OSBPL6: variants seen among roughly 807,000 people sequenced by gnomAD.
OSBPL6 encodes the protein oxysterol-binding protein-related protein 6.
OSBPL6 carries 49 observed loss-of-function variants against 125.8 expected under a neutral mutation model. That is an observed-to-expected ratio of 0.39 (90% CI 0.31 to 0.49). The LOEUF (loss-of-function observed/expected upper bound fraction) is 0.49. OSBPL6 is among the 20% of genes least tolerant of loss of function. OSBPL6 has a pLI of 0.88. For missense variants in OSBPL6, 986 were observed against 1,135.4 expected, an observed-to-expected ratio of 0.87 and a Z score of 1.89; for synonymous variants, 394 against 391.8, an observed-to-expected ratio of 1.01 and a Z score of -0.07.
chr2:178,257,331 C>G (rs554400162), intron 1 of OSBPL6, among the ~76,000 whole-genome samples: 2 of 152,258 alleles, frequency 1.3e-5, no homozygotes, highest in African/African-American at 4.8e-5. Context: ...TACAAACTTT[C>G]TAAAGGCTTA....
At chr2:178,242,130 A>T (rs2091317299) in intron 1 of OSBPL6, among the ~76,000 whole-genome samples, 1 of 152,224 alleles carries the variant, frequency 6.6e-6, no homozygotes, top group South Asian at 2.1e-4. Flanking sequence ...TATGTTGTGA[A>T]AGTGTGATTG....
At chr2:178,230,473 A>T (rs1457081579) in intron 1 of OSBPL6, 1 of 152,232 alleles carries the variant, frequency 6.6e-6, no homozygotes, top group East Asian at 1.9e-4. Flanking sequence ...AGTGGAAGAC[A>T]TGAAGTATGG....
At chr2:178,322,336 C>G (rs1195815292) in intron 3 of OSBPL6, among the ~76,000 whole-genome samples, 3 of 152,100 alleles carry the variant, frequency 2.0e-5, no homozygotes, top group African/African-American at 7.2e-5. Context: ...AAGAGAAGCT[C>G]AGATCAGAGA....
At chr2:178,282,071 C>A (rs1684248847) in intron 1 of OSBPL6, among the ~76,000 whole-genome samples, 1 of 152,174 alleles carries the variant, frequency 6.6e-6, no homozygotes, top group Non-Finnish European at 1.5e-5. Flanking sequence ...GACAGCCTGA[C>A]ACAAATAGAA....
At position 178,402,487 on chromosome 2, in the gene OSBPL6, T is replaced by G. The variant is rs1696126591; in HGVS notation, c.*6928T>G. On this transcript the variant is annotated 3_prime_UTR_variant, in exon 25 of 25. Coordinates refer to ENST00000190611, the MANE Select transcript of OSBPL6 (RefSeq NM_032523.4). ...AGGGAAATCCTGTGGCAAAGCACAC[T>G]CTTGATCACCTACTTAACAAGAAGG... 1 of 152,136 alleles carries G rather than the reference T, an allele frequency of 6.6e-6. No homozygotes were observed. Among genetic ancestry groups the G allele is most frequent in the African/African-American group, 2.4e-5 (1 of 41,428 alleles). 9.4% of individuals were successfully genotyped at this position (152,136 alleles called of 1,614,324 possible). A position where few individuals can be genotyped will look rare whatever the true frequency, so the allele number is the denominator to read the frequency against.
chr2:178,358,197 G>A (rs542909454), intron 12 of OSBPL6, among the ~76,000 whole-genome samples: 24 of 152,190 alleles, frequency 1.6e-4, no homozygotes, highest in East Asian at 7.7e-4. Context: ...AAACCTGCAC[G>A]TTGTGCACAT....
At chr2:178,382,531 G>T (rs1694573499) in intron 16 of OSBPL6, 24 bp downstream of exon 16, 1 of 1,613,824 alleles carries the variant, frequency 6.2e-7, no homozygotes, top group Non-Finnish European at 8.5e-7. Context: ...GAGCTTCCAG[G>T]TTGTTCTATC....
chr2:178,246,053 A>G lies in OSBPL6; in HGVS notation c.-350-38874A>G, dbSNP rs188273588. ...CTGGTCCCTGGCCCTTTCCTCTCTCACTCCATCAGTTACATCCTCTTGTCA... is the reference window on the plus strand; with the variant it reads ...CTGGTCCCTGGCCCTTTCCTCTCTCGCTCCATCAGTTACATCCTCTTGTCA... On this transcript the variant is annotated intron_variant, in intron 1 of 24. Transcript: ENST00000190611. Among the ~76,000 whole-genome samples, 623 of 150,704 alleles carry G rather than the reference A, an allele frequency of 4.1e-3. 3 individuals carry two copies. The highest frequency in any genetic ancestry group is 7.4e-3 in the Non-Finnish European group (502 of 67,622).
At chr2:178,263,720 T>A (rs1157471269) in intron 1 of OSBPL6, among the ~76,000 whole-genome samples, 1 of 151,954 alleles carries the variant, frequency 6.6e-6, no homozygotes, top group Non-Finnish European at 1.5e-5. Flanking sequence ...AAACGTGTGC[T>A]TGGGGACATG....
chr2:178,306,410 G>A (rs1686763671), intron 3 of OSBPL6, 124 bp downstream of exon 3: 6 of 635,422 alleles, frequency 9.4e-6, no homozygotes, highest in East Asian at 8.4e-5. Context: ...GTGAAAAATC[G>A]TCATTTTCTG....
chr2:178,353,848 G>A (rs765100370), intron 12 of OSBPL6, among the ~76,000 whole-genome samples: 5 of 152,172 alleles, frequency 3.3e-5, no homozygotes, highest in African/African-American at 9.7e-5. Context: ...CAAGAGAAAG[G>A]TCGGGTTACC....
chr2:178,262,532 C>T (rs1047782027), intron 1 of OSBPL6, among the ~76,000 whole-genome samples: 1 of 152,024 alleles, frequency 6.6e-6, no homozygotes, highest in Non-Finnish European at 1.5e-5. Context: ...CCAGAAGTGT[C>T]ATTGTGTTTA....
At chr2:178,375,746 T>A (rs1003326614) in intron 15 of OSBPL6, among the ~76,000 whole-genome samples, 41 of 152,324 alleles carry the variant, frequency 2.7e-4, no homozygotes, top group African/African-American at 8.7e-4. Flanking sequence ...TTAGTCAGGT[T>A]ACAGTCAGAC....
chr2:178,320,500 A>G, intron 3 of OSBPL6: 1 of 1,278,516 alleles, frequency 7.8e-7, no homozygotes, highest in Non-Finnish European at 1.1e-6. Flanking sequence ...ACTTGATTTT[A>G]GAAGAATAAT....
chr2:178,245,928 G>T (rs2091472362), intron 1 of OSBPL6, among the ~76,000 whole-genome samples: 1 of 152,152 alleles, frequency 6.6e-6, no homozygotes, highest in Admixed American at 6.5e-5. Context: ...ATGTTTGTGT[G>T]CCCTGGATGG....
At chr2:178,374,049 G>C (rs187256015) in intron 15 of OSBPL6, 22 bp downstream of exon 15, 2 of 1,610,372 alleles carry the variant, frequency 1.2e-6, no homozygotes, top group South Asian at 1.1e-5. Flanking sequence ...TCCTTGACTT[G>C]TTGGCCTCAA....
intron 21 of OSBPL6, 72 bp downstream of exon 21, chr2:178,389,225 C>T (rs1695200826): frequency 7.0e-7 from 1 of 1,425,554 alleles, no homozygotes. Flanking sequence ...AGAATAATCA[C>T]CTTAAATAGC....
chr2:178,274,643 G>A (rs915721755), intron 1 of OSBPL6, among the ~76,000 whole-genome samples: 1 of 151,876 alleles, frequency 6.6e-6, no homozygotes, highest in Non-Finnish European at 1.5e-5. Flanking sequence ...CACCAGTAAG[G>A]GTGTCCCTAG....
chr2:178,200,247 CTTTTTT>C, intron 1 of OSBPL6, among the ~76,000 whole-genome samples: 1 of 109,734 alleles, frequency 9.1e-6, no homozygotes, highest in South Asian at 3.3e-4. Context: ...TTCTTCAGAC[CTTTTTT>C]TTTTTTTTTT....
Sources: gnomAD v4.1 joint callset for allele counts (sites outside exome capture counted in the v4.1 genomes callset) on GRCh38, gnomAD v4.1.1 for gene constraint, MANE v1.5 for transcripts, NCBI Gene and HGNC (gene_info 2026-07-23, HGNC 2026-07-21) for gene names.